PWP1: variants seen among roughly 807,000 people sequenced by gnomAD.
PWP1 encodes the protein PWP1 homolog, endonuclein.
PWP1 carries 47 observed loss-of-function variants against 69.9 expected under a neutral mutation model. The ratio of observed to expected loss-of-function variants is 0.67; its 90% CI spans 0.53 to 0.86. The LOEUF (loss-of-function observed/expected upper bound fraction) is 0.86, where lower values mean the gene tolerates loss of function less well. PWP1 is among the 40% of genes least tolerant of loss of function. The pLI is 0.00. For synonymous variants in PWP1, 222 were observed against 208.2 expected, an observed-to-expected ratio of 1.07 and a Z score of -0.57; for missense variants, 551 against 608.8, an observed-to-expected ratio of 0.91 and a Z score of 1.00.
chr12:107,696,395 G>GA (rs1889588533), intron 5 of PWP1, 79 bp from the exon 6 acceptor site: 2 of 1,559,932 alleles, frequency 1.3e-6, no homozygotes, highest in Non-Finnish European at 1.7e-6. Flanking sequence ...ACATTTAATA[G>GA]AATTTGTTTT....
intron 1 of PWP1, among the ~76,000 whole-genome samples, chr12:107,687,650 T>C (rs1483435083): frequency 6.6e-6 from 1 of 151,790 alleles, no homozygotes; most frequent in Non-Finnish European, 1.5e-5. Context: ...CCTGTAATCC[T>C]AGTCATTCAG....
At chr12:107,703,343 C>T (rs1889750974) in intron 9 of PWP1, among the ~76,000 whole-genome samples, 1 of 152,110 alleles carries the variant, frequency 6.6e-6, no homozygotes, top group Non-Finnish European at 1.5e-5. Flanking sequence ...TGTGTTATTC[C>T]CCAGGAATCT....
chr12:107,709,916 A>G (rs1889911148), intron 13 of PWP1, among the ~76,000 whole-genome samples: 1 of 152,204 alleles, frequency 6.6e-6, no homozygotes, highest in Non-Finnish European at 1.5e-5. Flanking sequence ...ATTATATCCC[A>G]GAACATAAAC....
In PWP1 at chr12:107,712,970, A is replaced by G. The variant is rs919401841; in HGVS notation, c.*750A>G. The G allele has an allele frequency of 1.3e-5, 2 of 152,224 alleles. No homozygotes were observed. The highest frequency in any genetic ancestry group is 2.4e-5 in the African/African-American group (1 of 41,452). 9.4% of individuals were successfully genotyped at this position (152,224 alleles called of 1,614,324 possible). ...TAAAAATCGTAATTAGTTTGATAAT[A>G]TGAGACCCAACCCTAACTTGCCAGA... is the stretch of plus-strand genomic sequence containing the variant. On this transcript the variant is annotated 3_prime_UTR_variant, in exon 15 of 15. Coordinates refer to ENST00000412830, the MANE Select transcript of PWP1 (RefSeq NM_007062.3).
intron 5 of PWP1, among the ~76,000 whole-genome samples, chr12:107,693,834 A>C (rs926823877): frequency 6.6e-6 from 1 of 151,930 alleles, no homozygotes; most frequent in Non-Finnish European, 1.5e-5. Context: ...CTTTATGTGG[A>C]TTATACTGGA....
chr12:107,700,284 A>G (rs139243505), intron 8 of PWP1, among the ~76,000 whole-genome samples: 18 of 152,112 alleles, frequency 1.2e-4, no homozygotes, highest in Admixed American at 7.9e-4. Flanking sequence ...CATCACCACA[A>G]TGCATCTCCA....
chr12:107,690,133 C>T (rs945577441), intron 3 of PWP1, among the ~76,000 whole-genome samples: 6 of 152,078 alleles, frequency 3.9e-5, no homozygotes, highest in African/African-American at 7.2e-5. Context: ...TGTAGATGAT[C>T]GGAAACAAAA....
At chr12:107,708,498 G>C (rs983364866) in intron 11 of PWP1, among the ~76,000 whole-genome samples, 1 of 152,156 alleles carries the variant, frequency 6.6e-6, no homozygotes, top group Non-Finnish European at 1.5e-5. Flanking sequence ...TTATCTGATT[G>C]AATTTCTCTG....
At position 107,688,449 on chromosome 12, in the gene PWP1, T is replaced by C. The variant is rs1253688209; in HGVS notation, c.74T>C (p.Val25Ala). ...AATGAAATCTTTGCTCTCTTACAGG[T>C]AGAGCTGAGTAAAGAAGAAGTAAAA... ...CGVAKETPDKVELSKEEVKRL... is the reference protein window; with the variant it reads ...CGVAKETPDKAELSKEEVKRL... The change falls in exon 2 of 15, where the codon GTA becomes GCA. Residue 25 changes from valine (V) to alanine (A), a missense_variant and splice_region_variant. Val to Ala is a moderately conservative substitution (Grantham distance 64). Coordinates refer to ENST00000412830, the MANE Select transcript of PWP1 (RefSeq NM_007062.3). The C allele has an allele frequency of 6.2e-7, 1 of 1,613,500 alleles. No individual in the cohort carries two copies. Among genetic ancestry groups the C allele is most frequent in the Non-Finnish European group, 8.5e-7 (1 of 1,179,774 alleles).
rs369287197 is a variant in PWP1, at chr12:107,691,463, G to T, written c.320-1351G>T. 3.3e-5 allele frequency among the ~76,000 whole-genome samples: 5 copies of T among 152,298 alleles called. No individual in the cohort carries two copies. The South Asian group carries it at 1.0e-3, about 32-fold the overall frequency. On this transcript the variant is annotated intron_variant, in intron 3 of 14. Transcript: ENST00000412830. The stretch of plus-strand genomic sequence containing the variant: ...CATACACTTTAGGAAGTTAACTCTG[G>T]CAACAGTGGAGAACAGGTTGGCAGA...
Position 107,689,150 on chromosome 12 carries a change from C to T in PWP1, c.319+348C>T, listed in dbSNP as rs79643667. ...TTTCCTCAACTGCAGTCAGTCTTCT[C>T]ACAATACAGTAGTCCCCCCTTATCC... is the stretch of plus-strand genomic sequence containing the variant. On this transcript the variant is annotated intron_variant, in intron 3 of 14. Transcript: ENST00000412830. 1.9e-4 allele frequency among the ~76,000 whole-genome samples: 29 copies of T among 152,302 alleles called. No homozygotes were observed. The East Asian group carries it at 4.8e-3, about 25-fold the overall frequency.
chr12:107,693,594 G>A (rs905472679), intron 5 of PWP1, among the ~76,000 whole-genome samples: 3 of 152,152 alleles, frequency 2.0e-5, no homozygotes, highest in Non-Finnish European at 4.4e-5. Flanking sequence ...GGCTGGGTGC[G>A]GTGTCTCACA....
intron 11 of PWP1, among the ~76,000 whole-genome samples, chr12:107,707,931 GA>G (rs1368290484): frequency 6.6e-6 from 1 of 152,110 alleles, no homozygotes; most frequent in African/African-American, 2.4e-5. Flanking sequence ...AGTTAGGGGG[GA>G]AAGAGTTTTT....
Position 107,710,398 on chromosome 12 carries a change from T to C in PWP1, c.1291-7T>C. The C allele has an allele frequency of 6.2e-7, 1 of 1,612,998 alleles. No homozygotes were observed. Among genetic ancestry groups the C allele is most frequent in the African/African-American group, 1.3e-5 (1 of 74,966 alleles). Reference sequence around the variant, plus strand: ...TTGAAATCACCATCTTCCTGTTCTCTCTCTAGGGAGTTCTCTTCTGTTCTT... The same window carrying C: ...TTGAAATCACCATCTTCCTGTTCTCCCTCTAGGGAGTTCTCTTCTGTTCTT... On this transcript the variant is annotated splice_polypyrimidine_tract_variant and splice_region_variant and intron_variant, in intron 13 of 14. Transcript: ENST00000412830.
intron 1 of PWP1, among the ~76,000 whole-genome samples, chr12:107,687,694 A>G (rs1889396504): frequency 6.6e-6 from 1 of 152,156 alleles, no homozygotes; most frequent in Non-Finnish European, 1.5e-5. Flanking sequence ...TGAGCCCAGG[A>G]GTTCACAGCT....
In PWP1 at chr12:107,693,076, A is replaced by C; in HGVS notation, c.482A>C (p.Gln161Pro). ...LIVCGRAEQD[Q>P]CNLEVHVYNQ... is the part of the protein sequence containing the mutation. ...GTTTGTGGCCGAGCTGAACAGGACC[A>C]GTGCAATTTAGAGGTGCATGGTAAG... Residue 161 changes from glutamine (Q) to proline (P), a missense_variant, in exon 5 of 15, where the codon CAG becomes CCG. By Grantham distance (76) the Gln-to-Pro change is moderately conservative. Transcript: ENST00000412830. The C allele has an allele frequency of 6.2e-7, 1 of 1,612,118 alleles. No homozygotes were observed. The highest frequency in any genetic ancestry group is 8.5e-7 in the Non-Finnish European group (1 of 1,179,420).
At chr12:107,696,182 A>T (rs770389011) in intron 5 of PWP1, among the ~76,000 whole-genome samples, 9 of 151,792 alleles carry the variant, frequency 5.9e-5, no homozygotes, top group Non-Finnish European at 1.2e-4. Flanking sequence ...ACAGGCACGT[A>T]CCACCACACC....
At chr12:107,699,868 A>C (rs1889670259) in intron 8 of PWP1, among the ~76,000 whole-genome samples, 1 of 152,212 alleles carries the variant, frequency 6.6e-6, no homozygotes, top group African/African-American at 2.4e-5. Context: ...CATGCTGCTA[A>C]TGTAGACATA....
chr12:107,699,548 T>C (rs1429098726), intron 8 of PWP1, 114 bp downstream of exon 8: 24 of 817,722 alleles, frequency 2.9e-5, no homozygotes, highest in Non-Finnish European at 4.5e-5. Context: ...TATCTTCCTT[T>C]CTTGTAGGAT....
Sources: allele counts gnomAD v4.1 joint callset (sites outside exome capture counted in the v4.1 genomes callset), GRCh38; gene constraint gnomAD v4.1.1; transcripts MANE v1.5; gene names NCBI Gene and HGNC (gene_info 2026-07-23, HGNC 2026-07-21).